The following VSTM2L variants were observed in gnomAD, a reference collection of about 807,000 sequenced individuals.
VSTM2L encodes the protein V-set and transmembrane domain containing 2 like, also known as V-set and transmembrane domain-containing protein 2-like protein.
A neutral mutation model predicts 19.9 loss-of-function variants in VSTM2L; 9 were observed. The observed-to-expected ratio is 0.45, with a 90% CI of 0.27 to 0.79. The LOEUF (loss-of-function observed/expected upper bound fraction) is 0.79, where lower values mean the gene tolerates loss of function less well. Among genes scored for constraint, VSTM2L ranks in the 30% least tolerant of loss-of-function variants. VSTM2L has a pLI of 0.15. For synonymous variants in VSTM2L, 127 were observed against 133.8 expected (o/e 0.95, Z 0.35); for missense variants, 286 against 295.5 (o/e 0.97, Z 0.24).
intron 1 of VSTM2L, among the ~76,000 whole-genome samples, chr20:37,921,151 C>T (rs2072848483): frequency 6.6e-6 from 1 of 152,202 alleles, no homozygotes; most frequent in Admixed American, 6.5e-5. Flanking sequence ...CCTCGGAGAC[C>T]TCTGGGGGCA....
At chr20:37,925,223 C>T (rs1441250202) in intron 1 of VSTM2L, among the ~76,000 whole-genome samples, 1 of 152,020 alleles carries the variant, frequency 6.6e-6, no homozygotes, top group Admixed American at 6.6e-5. Flanking sequence ...TCAATATCCA[C>T]CCATCCTTCA....
At chr20:37,922,782 G>C (rs891431632) in intron 1 of VSTM2L, among the ~76,000 whole-genome samples, 1 of 152,220 alleles carries the variant, frequency 6.6e-6, no homozygotes, top group African/African-American at 2.4e-5. Flanking sequence ...GGGGCTGCCT[G>C]TGCTGGATGA....
chr20:37,923,589 C>T (rs2072863985), intron 1 of VSTM2L, among the ~76,000 whole-genome samples: 1 of 152,196 alleles, frequency 6.6e-6, no homozygotes, highest in Non-Finnish European at 1.5e-5. Flanking sequence ...AAATCTGTAA[C>T]TATACCAGCC....
At chr20:37,931,899 T>C in intron 2 of VSTM2L, 95 bp downstream of exon 2, 1 of 1,372,204 alleles carries the variant, frequency 7.3e-7, no homozygotes, top group Non-Finnish European at 9.8e-7. Context: ...CTGAGGGATA[T>C]GGGCTCCAAC....
intron 1 of VSTM2L, among the ~76,000 whole-genome samples, chr20:37,930,213 G>C (rs185146158): frequency 1.5e-3 from 232 of 152,336 alleles, no homozygotes; most frequent in African/African-American, 5.4e-3. Flanking sequence ...AGGAGAAACG[G>C]CAGAAGTTTC....
intron 3 of VSTM2L, among the ~76,000 whole-genome samples, chr20:37,938,668 C>T (rs559383873): frequency 2.6e-5 from 4 of 152,358 alleles, no homozygotes; most frequent in Non-Finnish European, 4.4e-5. Context: ...TCTCTTTCAG[C>T]GTAACTAGGT....
intron 1 of VSTM2L, among the ~76,000 whole-genome samples, chr20:37,924,125 T>C (rs1347425741): frequency 6.6e-6 from 1 of 152,040 alleles, no homozygotes; most frequent in Non-Finnish European, 1.5e-5. Context: ...TACTCCCAGC[T>C]ACTTGGGAGG....
At chr20:37,903,803 A>G (rs2072735921) in intron 1 of VSTM2L, among the ~76,000 whole-genome samples, 2 of 152,070 alleles carry the variant, frequency 1.3e-5, no homozygotes, top group African/African-American at 4.8e-5. Context: ...CACACACCTC[A>G]GGTCCCCCTC....
intron 1 of VSTM2L, among the ~76,000 whole-genome samples, chr20:37,908,421 A>G (rs1233428124): frequency 1.3e-5 from 2 of 152,186 alleles, no homozygotes; most frequent in Non-Finnish European, 2.9e-5. Flanking sequence ...TCTCTTACAG[A>G]TGAGAAGACA....
intron 2 of VSTM2L, 59 bp from the exon 3 acceptor site, chr20:37,933,474 ACCCCAC>A: frequency 3.0e-6 from 3 of 986,772 alleles, no homozygotes; most frequent in Non-Finnish European, 4.6e-6. Context: ...CCACACTGCC[ACCCCAC>A]CCCCACCCTG....
At chr20:37,916,157 G>A (rs190595074) in intron 1 of VSTM2L, among the ~76,000 whole-genome samples, 21 of 152,288 alleles carry the variant, frequency 1.4e-4, no homozygotes, top group Non-Finnish European at 2.4e-4. Flanking sequence ...ATCCTGCCCC[G>A]CTCCAGCCTC....
intron 1 of VSTM2L, among the ~76,000 whole-genome samples, chr20:37,905,545 G>A (rs561185083): frequency 9.8e-4 from 150 of 152,304 alleles, no homozygotes; most frequent in Non-Finnish European, 1.9e-3. Context: ...GGCTAGATGA[G>A]AAGGAGGCAC....
At chr20:37,936,311 G>A (rs1007674217) in intron 3 of VSTM2L, among the ~76,000 whole-genome samples, 2 of 152,192 alleles carry the variant, frequency 1.3e-5, no homozygotes, top group African/African-American at 4.8e-5. Flanking sequence ...GAACAGCTGA[G>A]CCAGGCAGGG....
In VSTM2L at chr20:37,919,323, C is replaced by T. The variant is rs567383780; in HGVS notation, c.122-12312C>T. Among the ~76,000 whole-genome samples the T allele has an allele frequency of 9.2e-4, 140 of 152,358 alleles. 1 individual carries two copies. Among genetic ancestry groups the T allele is most frequent in the African/African-American group, 3.2e-3 (135 of 41,588 alleles). On this transcript the variant is annotated intron_variant, in intron 1 of 3. Coordinates refer to ENST00000373461, the MANE Select transcript of VSTM2L (RefSeq NM_080607.3). ...AGGTGAAGCAACCTTCATGAACTCA[C>T]ACCTCCATTCCTCCTGCCGCAGGCA...
chr20:37,917,225 G>A (rs1048805738), intron 1 of VSTM2L, among the ~76,000 whole-genome samples: 10 of 152,082 alleles, frequency 6.6e-5, no homozygotes, highest in African/African-American at 2.2e-4. Context: ...GAGGCAAGGA[G>A]AATTGCTTGA....
At chr20:37,911,105 T>C (rs1242856666) in intron 1 of VSTM2L, among the ~76,000 whole-genome samples, 4 of 151,086 alleles carry the variant, frequency 2.6e-5, no homozygotes, top group Admixed American at 2.6e-4. Flanking sequence ...ACACCATCTC[T>C]ACTAAAAATA....
intron 1 of VSTM2L, among the ~76,000 whole-genome samples, chr20:37,915,263 G>A (rs995663795): frequency 6.6e-6 from 1 of 152,102 alleles, no homozygotes; most frequent in African/African-American, 2.4e-5. Context: ...CAGCTAGTGC[G>A]GGAAGCCCCG....
intron 3 of VSTM2L, 63 bp from the exon 4 acceptor site, chr20:37,943,918 C>CGG: frequency 1.9e-5 from 17 of 871,852 alleles, no homozygotes; most frequent in African/African-American, 3.6e-5. Flanking sequence ...ACCCCCCCCC[C>CGG]CGACTCTTCT....
chr20:37,931,438 C>G (rs2072908192), intron 1 of VSTM2L, among the ~76,000 whole-genome samples, 197 bp from the exon 2 acceptor site: 1 of 152,180 alleles, frequency 6.6e-6, no homozygotes, highest in Admixed American at 6.5e-5. Flanking sequence ...TGCACACACC[C>G]TTGGCCTGCC....
Sources: gnomAD v4.1 joint callset for allele counts (sites outside exome capture counted in the v4.1 genomes callset) on GRCh38, gnomAD v4.1.1 for gene constraint, MANE v1.5 for transcripts, NCBI Gene and HGNC (gene_info 2026-07-23, HGNC 2026-07-21) for gene names.